ANKRD44: variants seen among roughly 807,000 people sequenced by gnomAD.
ANKRD44 encodes the protein serine/threonine-protein phosphatase 6 regulatory ankyrin repeat subunit B.
A neutral mutation model predicts 116.0 loss-of-function variants in ANKRD44; 35 were observed. The ratio of observed to expected loss-of-function variants is 0.30; its 90% confidence interval spans 0.23 to 0.40. The LOEUF (loss-of-function observed/expected upper bound fraction) is 0.40, where lower values mean the gene tolerates loss of function less well. Ranked by LOEUF, ANKRD44 falls within the 10% of genes least tolerant of loss-of-function variation. The pLI is 1.00. For synonymous variants in ANKRD44, 435 were observed against 461.8 expected, an observed-to-expected ratio of 0.94 and a Z score of 0.74; for missense variants, 1,014 against 1,242.6, an observed-to-expected ratio of 0.82 and a Z score of 2.77.
At chr2:197,081,568 C>A in intron 15 of ANKRD44, 77 bp downstream of exon 15, 1 of 1,312,548 alleles carries the variant, frequency 7.6e-7, no homozygotes, top group Non-Finnish European at 1.1e-6. Flanking sequence ...AATAGTAAGG[C>A]AGGCAACGTG....
At chr2:197,259,409 A>G (rs754560845) in intron 1 of ANKRD44, among the ~76,000 whole-genome samples, 4 of 152,192 alleles carry the variant, frequency 2.6e-5, no homozygotes, top group Non-Finnish European at 4.4e-5. Flanking sequence ...GTTACTTGGA[A>G]GATATGGGAG....
chr2:197,116,264 G>T (rs1426392609), intron 8 of ANKRD44, among the ~76,000 whole-genome samples: 1 of 152,186 alleles, frequency 6.6e-6, no homozygotes, highest in African/African-American at 2.4e-5. Context: ...CAGATAAAAT[G>T]AAGTGCATCA....
At position 197,191,337 on chromosome 2, in the gene ANKRD44, T is replaced by C. The variant is rs183914021; in HGVS notation, c.28-4231A>G. On this transcript the variant is annotated intron_variant, in intron 1 of 27. Coordinates refer to ENST00000282272, the MANE Select transcript of ANKRD44 (RefSeq NM_001195144.2). ...TTGACGGCTGCCTTCTAGAGGTGAA[T>C]GTCTGCCAAGCTGATGACACTTGAC... Among the ~76,000 whole-genome samples, 433 of 152,224 alleles carry C rather than the reference T, an allele frequency of 2.8e-3. 4 individuals carry two copies. The highest frequency in any genetic ancestry group is 9.8e-3 in the African/African-American group (408 of 41,528).
chr2:197,160,919 C>T (rs1312997294), intron 2 of ANKRD44, among the ~76,000 whole-genome samples: 3 of 152,190 alleles, frequency 2.0e-5, no homozygotes, highest in African/African-American at 4.8e-5. Flanking sequence ...CAGGCCAAGA[C>T]TCCTATGTTA....
At chr2:197,165,560 G>T (rs1485996290) in intron 2 of ANKRD44, among the ~76,000 whole-genome samples, 2 of 152,178 alleles carry the variant, frequency 1.3e-5, no homozygotes, top group East Asian at 3.9e-4. Flanking sequence ...GAACCAGAAG[G>T]CCAAATGTAA....
rs2080359223 is a variant in ANKRD44 at position 197,176,146 on chromosome 2, CAA to C, written c.111+10875_111+10876del. On this transcript the variant is annotated intron_variant, in intron 2 of 27. Transcript: ENST00000282272. ...CCAAGGATGGCAGCACAAAAGGAAA[CAA>C]AGATTGGACTGTGACACCATGGAGT... 2.0e-5 allele frequency among the ~76,000 whole-genome samples: 3 copies of C among 152,274 alleles called. No individual in the cohort carries two copies. The South Asian group carries it at 6.2e-4, about 32-fold the overall frequency.
Position 197,186,884 on chromosome 2 carries a change from T to C in ANKRD44, c.111+139A>G, listed in dbSNP as rs367944054. 85 of 630,634 alleles carry C rather than the reference T, an allele frequency of 1.3e-4. No individual in the cohort carries two copies. In the South Asian group the frequency reaches 1.7e-3, roughly 12 times the overall value. The allele number at this position is 630,634 out of a possible 1,614,324, so 39.1% of individuals were successfully genotyped here. ...AACCCTAGATATTTTATTTCTTATA[T>C]AGGGTTTAAGAACAGTGTCCTGAGA... On this transcript the variant is annotated intron_variant, in intron 2 of 27. Coordinates refer to ENST00000282272, the MANE Select transcript of ANKRD44 (RefSeq NM_001195144.2).
intron 1 of ANKRD44, among the ~76,000 whole-genome samples, chr2:197,309,118 G>A (rs1352702441): frequency 7.2e-5 from 11 of 152,198 alleles, no homozygotes; most frequent in Non-Finnish European, 2.9e-5. Flanking sequence ...TGAAGATCTA[G>A]GGATTAACAG....
chr2:197,170,939 G>T (rs1324171035), intron 2 of ANKRD44, among the ~76,000 whole-genome samples: 1 of 152,174 alleles, frequency 6.6e-6, no homozygotes. Context: ...GGCAAACTGT[G>T]CAGGTAAATT....
At chr2:197,197,584 G>A (rs6434915) in intron 1 of ANKRD44, among the ~76,000 whole-genome samples, 84,853 of 151,992 alleles carry the variant, frequency 0.56, 27,960 homozygotes, top group East Asian at 0.88. Context: ...ACCAAGGCAG[G>A]CGGATCACTT....
At chr2:197,007,364 C>T (rs1487277768) in intron 20 of ANKRD44, among the ~76,000 whole-genome samples, 1 of 151,908 alleles carries the variant, frequency 6.6e-6, no homozygotes, top group African/African-American at 2.4e-5. Flanking sequence ...TTTTTAAAAT[C>T]TAAAACAAAT....
At chr2:197,173,851 G>A (rs1012718332) in intron 2 of ANKRD44, among the ~76,000 whole-genome samples, 2 of 152,064 alleles carry the variant, frequency 1.3e-5, no homozygotes, top group African/African-American at 4.8e-5. Context: ...TGGCCAACAT[G>A]GTGAAACCCC....
At chr2:197,016,902 T>C (rs2076402955) in intron 17 of ANKRD44, among the ~76,000 whole-genome samples, 1 of 151,782 alleles carries the variant, frequency 6.6e-6, no homozygotes, top group Non-Finnish European at 1.5e-5. Context: ...CCTTAATATA[T>C]AAAGAACTCT....
chr2:197,026,502 A>G (rs1002141240), intron 16 of ANKRD44, among the ~76,000 whole-genome samples: 1 of 152,230 alleles, frequency 6.6e-6, no homozygotes, highest in African/African-American at 2.4e-5. Context: ...ACAGCTGCCA[A>G]GACCCTTACA....
intron 16 of ANKRD44, among the ~76,000 whole-genome samples, chr2:197,062,778 C>T (rs1022729076): frequency 6.6e-6 from 1 of 152,234 alleles, no homozygotes; most frequent in Non-Finnish European, 1.5e-5. Flanking sequence ...GGGAGGGGCG[C>T]CTGCCATTAC....
At chr2:197,210,994 C>T (rs986880825) in intron 1 of ANKRD44, among the ~76,000 whole-genome samples, 4 of 152,138 alleles carry the variant, frequency 2.6e-5, no homozygotes, top group Non-Finnish European at 4.4e-5. Flanking sequence ...AGTATGTAGA[C>T]GCCACTGTGC....
intron 1 of ANKRD44, among the ~76,000 whole-genome samples, chr2:197,309,125 A>T (rs537039356): frequency 6.6e-6 from 1 of 152,360 alleles, no homozygotes; most frequent in South Asian, 2.1e-4. Context: ...CTAGGGATTA[A>T]CAGACAAGTA....
At chr2:197,285,478 A>G (rs1469583409) in intron 1 of ANKRD44, among the ~76,000 whole-genome samples, 1 of 152,198 alleles carries the variant, frequency 6.6e-6, no homozygotes, top group Non-Finnish European at 1.5e-5. Flanking sequence ...GAAATATTCT[A>G]GTTGACGCTG....
At position 197,186,612 on chromosome 2, in the gene ANKRD44, C is replaced by CTTTTTTTTTTTTT. The variant is rs149107038; in HGVS notation, c.111+398_111+410dup. ...CCATCACTATGCCCGGCTAATTTTT[C>CTTTTTTTTTTTTT]TTTTTTTTTTTTTTTTTTTTTTTTT... On this transcript the variant is annotated intron_variant, in intron 2 of 27. Transcript: ENST00000282272. Among the ~76,000 whole-genome samples the CTTTTTTTTTTTTT allele has an allele frequency of 2.8e-3, 143 of 50,798 alleles. 27 individuals carry two copies. The highest frequency in any genetic ancestry group is 6.4e-3 in the South Asian group (4 of 624). 33.3% of individuals were successfully genotyped at this position (50,798 alleles called of 152,430 possible). A position where few individuals can be genotyped will look rare whatever the true frequency, so the allele number is the denominator to read the frequency against.
Sources: allele counts gnomAD v4.1 joint callset (sites outside exome capture counted in the v4.1 genomes callset), GRCh38; gene constraint gnomAD v4.1.1; transcripts MANE v1.5; gene names NCBI Gene and HGNC (gene_info 2026-07-23, HGNC 2026-07-21).